Variants in LIFR observed in about 807,000 individuals in gnomAD.
LIFR encodes the protein leukemia inhibitory factor receptor.
In LIFR, 84 loss-of-function variants were observed where a neutral mutation model predicts 122.2. The ratio of observed to expected loss-of-function variants is 0.69; its 90% CI spans 0.58 to 0.82. The LOEUF is 0.82. Ranked by LOEUF, LIFR falls within the 40% of genes least tolerant of loss-of-function variation. The probability of loss-of-function intolerance (pLI) is 0.00; values close to 1 mark genes in which losing one functional copy is unlikely to be tolerated. For missense variants in LIFR, 1,294 were observed against 1,311.6 expected (o/e 0.99, Z 0.21); for synonymous variants, 422 against 434.7 (o/e 0.97, Z 0.36).
intron 1 of LIFR, chr5:38,607,973 C>A (rs1318798696): frequency 6.6e-6 from 1 of 152,160 alleles, no homozygotes; most frequent in African/African-American, 2.4e-5. Flanking sequence ...TCCATTAATT[C>A]TTTCTCTTGA....
chr5:38,495,673 G>A (rs540574536), intron 13 of LIFR, among the ~76,000 whole-genome samples: 2 of 152,294 alleles, frequency 1.3e-5, no homozygotes, highest in African/African-American at 2.4e-5. Context: ...CGGGGCAAGA[G>A]AGCAAAGGTG....
chr5:38,545,151 T>A (rs1747806123), intron 1 of LIFR, among the ~76,000 whole-genome samples: 1 of 151,884 alleles, frequency 6.6e-6, no homozygotes, highest in Admixed American at 6.6e-5. Flanking sequence ...ACGCCTGTAG[T>A]CTCAGCCACT....
intron 14 of LIFR, among the ~76,000 whole-genome samples, chr5:38,491,631 C>CTA (rs988518232): frequency 6.6e-6 from 1 of 152,208 alleles, no homozygotes; most frequent in African/African-American, 2.4e-5. Context: ...AATCAAGTGC[C>CTA]TATAAAACAC....
intron 1 of LIFR, among the ~76,000 whole-genome samples, chr5:38,533,103 T>A (rs867317677): frequency 6.6e-6 from 1 of 152,206 alleles, no homozygotes; most frequent in Non-Finnish European, 1.5e-5. Flanking sequence ...GGTAGAAATC[T>A]GGCATTTTAA....
In LIFR at chr5:38,583,417, A is replaced by G. The variant is rs547543734; in HGVS notation, c.-20+11844T>C. On this transcript the variant is annotated intron_variant, in intron 1 of 19. Transcript: ENST00000263409. ...AGTGTATTAAGAAAACACTGACACC[A>G]AAAGTTCAGGCTAAAAAAGCAAAAA... Among the ~76,000 whole-genome samples, 391 of 152,282 alleles carry G rather than the reference A, an allele frequency of 2.6e-3. 1 individual carries two copies. The highest frequency in any genetic ancestry group is 4.6e-3 in the Non-Finnish European group (316 of 68,026).
intron 1 of LIFR, among the ~76,000 whole-genome samples, chr5:38,537,830 T>C (rs557749688): frequency 2.0e-5 from 3 of 152,202 alleles, no homozygotes; most frequent in African/African-American, 4.8e-5. Flanking sequence ...TCCTTAATGA[T>C]TGCTAAGAAA....
intron 1 of LIFR, among the ~76,000 whole-genome samples, chr5:38,587,359 G>A (rs897525729): frequency 2.0e-5 from 3 of 152,030 alleles, no homozygotes; most frequent in Non-Finnish European, 4.4e-5. Context: ...AAGTTATTCC[G>A]GCAAACAGGG....
intron 1 of LIFR, among the ~76,000 whole-genome samples, chr5:38,552,751 A>C (rs1748271030): frequency 6.6e-6 from 1 of 152,248 alleles, no homozygotes; most frequent in Admixed American, 6.5e-5. Context: ...AAGTGATAAC[A>C]GTATAACCGA....
chr5:38,496,327 A>G, intron 13 of LIFR, 55 bp downstream of exon 13: 1 of 1,330,688 alleles, frequency 7.5e-7, no homozygotes, highest in South Asian at 1.2e-5. Flanking sequence ...GTAACATCAG[A>G]CATTTCTCAC....
rs866504457 is a variant in LIFR at position 38,523,676 on chromosome 5, T to C, written c.398-94A>G. 57 of 985,852 alleles carry C rather than the reference T, an allele frequency of 5.8e-5. 1 individual carries two copies. The Middle Eastern group carries it at 3.6e-3, about 63-fold the overall frequency. The allele number at this position is 985,852 out of a possible 1,614,324, so 61.1% of individuals were successfully genotyped here. On this transcript the variant is annotated intron_variant, in intron 4 of 19. Transcript: ENST00000453190. The stretch of plus-strand genomic sequence containing the variant: ...CTAATCAACTACTTATAAACTCTAT[T>C]CCTTCTTGATCAAAAAATCAATAAT...
chr5:38,541,770 AT>A (rs1747604813), intron 1 of LIFR, among the ~76,000 whole-genome samples: 1 of 152,244 alleles, frequency 6.6e-6, no homozygotes, highest in Non-Finnish European at 1.5e-5. Context: ...TAATAAATAA[AT>A]CCAATAAAAT....
intron 10 of LIFR, among the ~76,000 whole-genome samples, chr5:38,503,373 T>A (rs954284355): frequency 3.3e-5 from 5 of 152,200 alleles, no homozygotes; most frequent in South Asian, 2.1e-4. Context: ...AATTTGAATA[T>A]CTGCCTGTTT....
At position 38,502,711 on chromosome 5, in the gene LIFR, A is replaced by G. The variant is rs535400576; in HGVS notation, c.1526T>C (p.Ile509Thr). 33 of 1,612,284 alleles carry G rather than the reference A, an allele frequency of 2.0e-5. No homozygotes were observed. In the East Asian group the frequency reaches 4.9e-4, roughly 24 times the overall value. The change falls in exon 11 of 20, where the codon ATT becomes ACT. Residue 509 changes from isoleucine to threonine, a missense_variant. Physicochemically the swap from Ile to Thr is moderately conservative, Grantham distance 89 (BLOSUM62 -1). Transcript: ENST00000453190. The part of the protein sequence containing the change: ...LNPYTLYTFR[I>T]RCSTETFWKW... Reference sequence around the variant, plus strand: ...CCAGAAAGTTTCAGTAGAACAACGAATCCGAAAAGTATATAGAGTGTATGG... The same window carrying G: ...CCAGAAAGTTTCAGTAGAACAACGAGTCCGAAAAGTATATAGAGTGTATGG...
At chr5:38,554,726 A>T (rs1748420711) in intron 1 of LIFR, among the ~76,000 whole-genome samples, 1 of 152,244 alleles carries the variant, frequency 6.6e-6, no homozygotes, top group Non-Finnish European at 1.5e-5. Context: ...GACATACACA[A>T]GGAGCCAGTA....
chr5:38,578,207 CTTT>C (rs3079294), intron 1 of LIFR, among the ~76,000 whole-genome samples: 12,306 of 123,394 alleles, frequency 0.1, 1,510 homozygotes, highest in African/African-American at 0.31. Flanking sequence ...TTTTCTTTTT[CTTT>C]TTTTTTTTTT....
At chr5:38,604,138 G>A (rs1230465162) in intron 2 of LIFR, among the ~76,000 whole-genome samples, 1 of 152,184 alleles carries the variant, frequency 6.6e-6, no homozygotes, top group Non-Finnish European at 1.5e-5. Context: ...GTGACCCAGA[G>A]CCTGAACTTG....
chr5:38,607,305 T>G (rs1750348294), intron 1 of LIFR, among the ~76,000 whole-genome samples: 1 of 152,152 alleles, frequency 6.6e-6, no homozygotes, highest in Non-Finnish European at 1.5e-5. Context: ...TGCCTCGCAT[T>G]TTCATCTAAG....
intron 17 of LIFR, among the ~76,000 whole-genome samples, chr5:38,485,093 G>C (rs1298113878): frequency 1.3e-5 from 2 of 152,238 alleles, no homozygotes; most frequent in East Asian, 3.9e-4. Context: ...CTTGATACTT[G>C]TGACATTTTA....
At chr5:38,542,072 C>T (rs1747619150) in intron 1 of LIFR, among the ~76,000 whole-genome samples, 1 of 152,142 alleles carries the variant, frequency 6.6e-6, no homozygotes, top group Admixed American at 6.5e-5. Flanking sequence ...AGTAGATAAT[C>T]TAATATCAAA....
Sources: gnomAD v4.1 joint callset for allele counts (sites outside exome capture counted in the v4.1 genomes callset) on GRCh38, gnomAD v4.1.1 for gene constraint, MANE v1.5 for transcripts, NCBI Gene and HGNC (gene_info 2026-07-23, HGNC 2026-07-21) for gene names.